The following OOSP1 variants were observed in gnomAD, a reference collection of about 807,000 sequenced individuals.
OOSP1 encodes the protein putative oocyte-secreted protein 1 homolog.
A neutral mutation model predicts 5.7 loss-of-function variants in OOSP1; 11 were observed. That is an observed-to-expected ratio of 1.94 (90% CI 1.22 to 3.20). The LOEUF (loss-of-function observed/expected upper bound fraction) is 3.20, where lower values mean the gene tolerates loss of function less well. OOSP1 is among the 30% of genes most tolerant of loss of function. The pLI, the probability that OOSP1 is intolerant of heterozygous loss-of-function variation, is 0.00. For missense variants in OOSP1, 83 were observed against 54.1 expected, an observed-to-expected ratio of 1.53 and a Z score of -1.67; for synonymous variants, 44 against 20.0, an observed-to-expected ratio of 2.20 and a Z score of -3.20.
chr11:59,954,129 A>G (rs566266954), intron 4 of OOSP1, among the ~76,000 whole-genome samples: 31 of 152,206 alleles, frequency 2.0e-4, no homozygotes, highest in Non-Finnish European at 3.8e-4. Flanking sequence ...ATCAAAACAT[A>G]TGTAAACATA....
chr11:59,954,688 T>C (rs1853976924), intron 4 of OOSP1, among the ~76,000 whole-genome samples: 1 of 151,802 alleles, frequency 6.6e-6, no homozygotes, highest in South Asian at 2.1e-4. Context: ...TATCTACATA[T>C]TCTTCTACAA....
chr11:59,953,105 G>C (rs1853957290), intron 4 of OOSP1, among the ~76,000 whole-genome samples: 1 of 152,054 alleles, frequency 6.6e-6, no homozygotes, highest in Non-Finnish European at 1.5e-5. Flanking sequence ...CAGTGAGTTT[G>C]ATTTTCCTTC....
In OOSP1 at chr11:59,942,115, A is replaced by G. The variant is rs1853834034; in HGVS notation, c.77-732A>G. 2.0e-5 allele frequency among the ~76,000 whole-genome samples: 3 copies of G among 152,140 alleles called. No homozygotes were observed. The South Asian group carries it at 6.2e-4, about 31-fold the overall frequency. The stretch of plus-strand genomic sequence containing the variant: ...TCTAGTATCTTAAGAGCAACTGATA[A>G]AATTTTCCTTTAGTGAAGTCTAGAA... On this transcript the variant is annotated intron_variant, in intron 1 of 4. Coordinates refer to ENST00000646685, the Ensembl canonical transcript of OOSP1.
At chr11:59,945,338 T>C (rs1368006912) in intron 3 of OOSP1, 72 bp downstream of exon 3, 1 of 701,820 alleles carries the variant, frequency 1.4e-6, no homozygotes, top group Non-Finnish European at 2.6e-6. Context: ...ATGCCAAACC[T>C]GAAAGGTTAA....
Position 59,947,716 on chromosome 11 carries a change from ATCTTC to A in OOSP1, c.357-12_357-8del. The A allele has an allele frequency of 2.5e-6, 1 of 398,552 alleles. No homozygotes were observed. Among genetic ancestry groups the A allele is most frequent in the Non-Finnish European group, 4.4e-6 (1 of 225,746 alleles). The allele number at this position is 398,552 out of a possible 1,614,324, so 24.7% of individuals were successfully genotyped here. A position where few individuals can be genotyped will look rare whatever the true frequency, so the allele number is the denominator to read the frequency against. On this transcript the variant is annotated splice_polypyrimidine_tract_variant and intron_variant, in intron 3 of 4. Coordinates refer to ENST00000646685, the Ensembl canonical transcript of OOSP1. ...CTTAACCACTATGTGATATTTTTCT[ATCTTC>A]TCTTATTTTAGTCAGCATCATCTTT... is the stretch of plus-strand genomic sequence containing the variant.
intron 4 of OOSP1, among the ~76,000 whole-genome samples, chr11:59,955,343 T>G (rs1298567527): frequency 2.6e-5 from 4 of 151,892 alleles, no homozygotes; most frequent in Non-Finnish European, 5.9e-5. Flanking sequence ...ATCTTTATGG[T>G]TTTTTTTGTC....
intron 4 of OOSP1, among the ~76,000 whole-genome samples, chr11:59,952,406 G>C (rs1358658966): frequency 7.0e-6 from 1 of 143,020 alleles, no homozygotes; most frequent in Non-Finnish European, 1.6e-5. Context: ...CAAATGAGTG[G>C]TAAAAAAAAA....
At chr11:59,943,574 T>G (rs1451220145) in intron 2 of OOSP1, among the ~76,000 whole-genome samples, 1 of 151,810 alleles carries the variant, frequency 6.6e-6, no homozygotes, top group African/African-American at 2.4e-5. Context: ...GGCGGGAGAG[T>G]TGAAGGTTTT....
At position 59,957,438 on chromosome 11, in the gene OOSP1, T is replaced by C. The variant is rs1854003536; in HGVS notation, c.*175T>C. The C allele has an allele frequency of 2.1e-5, 8 of 378,736 alleles. No homozygotes were observed. In the East Asian group the frequency reaches 3.0e-4, roughly 14 times the overall value. The allele number at this position is 378,736 out of a possible 1,614,324, so 23.5% of individuals were successfully genotyped here. Reference sequence around the variant, plus strand: ...TAAAATGTGTCATCATACGTGTTCATTGGATCTTCAACCACCTATTTTCCA... The same window carrying C: ...TAAAATGTGTCATCATACGTGTTCACTGGATCTTCAACCACCTATTTTCCA... On this transcript the variant is annotated 3_prime_UTR_variant, in exon 5 of 5. Transcript: ENST00000646685.
intron 4 of OOSP1, among the ~76,000 whole-genome samples, chr11:59,949,400 T>A (rs950019299): frequency 1.3e-5 from 2 of 151,966 alleles, no homozygotes; most frequent in Admixed American, 1.3e-4. Context: ...AGGTGATGAT[T>A]GAGGAAAGAG....
chr11:59,953,411 A>T (rs1853960269), intron 4 of OOSP1, among the ~76,000 whole-genome samples: 1 of 152,046 alleles, frequency 6.6e-6, no homozygotes, highest in Non-Finnish European at 1.5e-5. Flanking sequence ...TAGGAAGATG[A>T]TTCTGAACTG....
chr11:59,949,028 A>G, intron 4 of OOSP1: 1 of 356,530 alleles, frequency 2.8e-6, no homozygotes, highest in Non-Finnish European at 5.0e-6. Flanking sequence ...ATACTACTAT[A>G]TATCTGTTTC....
intron 4 of OOSP1, among the ~76,000 whole-genome samples, chr11:59,951,419 C>T (rs572073654): frequency 6.6e-6 from 1 of 152,188 alleles, no homozygotes; most frequent in Admixed American, 6.6e-5. Context: ...GGGCTGAGTA[C>T]ATGGTAAAGC....
At chr11:59,945,098 A>G in intron 2 of OOSP1, 71 bp from the exon 3 acceptor site, 2 of 690,928 alleles carry the variant, frequency 2.9e-6, no homozygotes, top group African/African-American at 1.8e-5. Context: ...ATAAATTCCT[A>G]TTTAAATGCC....
At chr11:59,942,780 T>G in intron 1 of OOSP1, 67 bp from the exon 2 acceptor site, 3 of 645,862 alleles carry the variant, frequency 4.6e-6, no homozygotes, top group Non-Finnish European at 8.4e-6. Flanking sequence ...TAACAGGGTA[T>G]GCTAAATTTT....
chr11:59,946,695 A>C (rs1000218963), intron 3 of OOSP1, among the ~76,000 whole-genome samples: 1 of 152,172 alleles, frequency 6.6e-6, no homozygotes, highest in Admixed American at 6.5e-5. Flanking sequence ...TCCTGAAGGC[A>C]ATAGAGAAAG....
chr11:59,939,686 CT>C (rs2134562200), intron 1 of OOSP1, among the ~76,000 whole-genome samples: 1 of 151,170 alleles, frequency 6.6e-6, no homozygotes, highest in African/African-American at 2.4e-5. Context: ...CCTGTTCCCT[CT>C]TCCTCGTCCC....
At chr11:59,946,826 CTTT>C (rs1167179198) in intron 3 of OOSP1, among the ~76,000 whole-genome samples, 1 of 128,988 alleles carries the variant, frequency 7.8e-6, no homozygotes, top group Non-Finnish European at 1.7e-5. Context: ...AAGATTGGGT[CTTT>C]TTTTTTTTTT....
chr11:59,940,110 C>G (rs1326484765), intron 1 of OOSP1, among the ~76,000 whole-genome samples: 1 of 152,178 alleles, frequency 6.6e-6, no homozygotes, highest in Non-Finnish European at 1.5e-5. Flanking sequence ...TCAAGCTACC[C>G]GTTCAACAAG....
Sources: allele counts gnomAD v4.1 joint callset (sites outside exome capture counted in the v4.1 genomes callset), GRCh38; gene constraint gnomAD v4.1.1; transcripts MANE v1.5; gene names NCBI Gene and HGNC (gene_info 2026-07-23, HGNC 2026-07-21).